Variants in TMTC1 observed in about 807,000 individuals in gnomAD.
TMTC1 encodes transmembrane O-mannosyltransferase targeting cadherins 1.
Under a neutral mutation model 104.8 loss-of-function variants are expected in TMTC1, and 73 were observed. The observed-to-expected ratio is 0.70, with a 90% CI of 0.58 to 0.85. TMTC1 has a LOEUF of 0.85. TMTC1 is among the 40% of genes least tolerant of loss of function. The pLI, the probability that TMTC1 is intolerant of heterozygous loss-of-function variation, is 0.00. For synonymous variants in TMTC1, 434 were observed against 428.7 expected (o/e 1.01, Z -0.15); for missense variants, 1,035 against 1,096.1 (o/e 0.94, Z 0.79).
In TMTC1 at chr12:29,579,351, C is replaced by T. The variant is rs187401706; in HGVS notation, c.1418+4056G>A. ...TAGTTGCAAAAGAGACTGTATGACC[C>T]GCAGAGCTTAAAATATTTGCTATCT... On this transcript the variant is annotated intron_variant, in intron 8 of 17. Coordinates refer to ENST00000539277, the MANE Select transcript of TMTC1 (RefSeq NM_001193451.2). Among the ~76,000 whole-genome samples the T allele has an allele frequency of 7.9e-5, 12 of 152,288 alleles. No individual in the cohort carries two copies. In the East Asian group the frequency reaches 1.9e-3, roughly 24 times the overall value.
chr12:29,633,128 C>T lies in TMTC1; in HGVS notation c.1128+19G>A. The T allele has an allele frequency of 6.3e-7, 1 of 1,599,716 alleles. No homozygotes were observed. Among genetic ancestry groups the T allele is most frequent in the South Asian group, 1.1e-5 (1 of 90,010 alleles). ...TCTGTCTTCAAATGCAGAGTTCATTCTACTTTTGAGAAAATTACCTTAAAG... is the reference window on the plus strand; with the variant it reads ...TCTGTCTTCAAATGCAGAGTTCATTTTACTTTTGAGAAAATTACCTTAAAG... On this transcript the variant is annotated intron_variant, in intron 6 of 17. Coordinates refer to ENST00000539277, the MANE Select transcript of TMTC1 (RefSeq NM_001193451.2).
chr12:29,773,227 C>T (rs1028433528), intron 1 of TMTC1, among the ~76,000 whole-genome samples: 7 of 152,204 alleles, frequency 4.6e-5, no homozygotes, highest in African/African-American at 1.4e-4. Flanking sequence ...TGGTTTGCAG[C>T]ATGCCATATC....
rs538642934 is a variant in TMTC1 at position 29,731,136 on chromosome 12, G to A, written c.938+20530C>T. Among the ~76,000 whole-genome samples, 31 of 152,252 alleles carry A rather than the reference G, an allele frequency of 2.0e-4. No homozygotes were observed. In the South Asian group the frequency reaches 5.4e-3, roughly 26 times the overall value. ...AGAGAATTTAATTCAGCAAATAAAT[G>A]GGCTGATAATAATCTAAAAGTCTAG... On this transcript the variant is annotated intron_variant, in intron 5 of 17. Transcript: ENST00000539277.
intron 5 of TMTC1, among the ~76,000 whole-genome samples, chr12:29,719,570 C>T (rs1034365527): frequency 3.3e-5 from 5 of 152,128 alleles, no homozygotes; most frequent in Non-Finnish European, 5.9e-5. Flanking sequence ...GACCTCACAG[C>T]GAGGGTGTAA....
At chr12:29,716,140 T>C (rs1240647867) in intron 5 of TMTC1, among the ~76,000 whole-genome samples, 1 of 151,952 alleles carries the variant, frequency 6.6e-6, no homozygotes. Context: ...TGCCTTAGCC[T>C]CCCCAGTAGC....
intron 11 of TMTC1, among the ~76,000 whole-genome samples, chr12:29,530,169 C>A (rs552843313): frequency 6.6e-6 from 1 of 152,104 alleles, no homozygotes. Context: ...TCTGACTCAA[C>A]ACACCCCCTC....
Position 29,561,807 on chromosome 12 carries a change from C to A in TMTC1, c.1533-4807G>T, listed in dbSNP as rs186190408. Reference sequence around the variant, plus strand: ...GCAATTTCCTTTCGGAGAATACACACCCTGATTTATTTTCAGGGTGTGTAT... The same window carrying A: ...GCAATTTCCTTTCGGAGAATACACAACCTGATTTATTTTCAGGGTGTGTAT... On this transcript the variant is annotated intron_variant, in intron 9 of 17. Coordinates refer to ENST00000539277, the MANE Select transcript of TMTC1 (RefSeq NM_001193451.2). Among the ~76,000 whole-genome samples, 751 of 152,290 alleles carry A rather than the reference C, an allele frequency of 4.9e-3. 7 individuals carry two copies. The highest frequency in any genetic ancestry group is 8.8e-3 in the Non-Finnish European group (598 of 68,020).
chr12:29,749,726 T>C (rs1231224036), intron 5 of TMTC1, among the ~76,000 whole-genome samples: 1 of 152,144 alleles, frequency 6.6e-6, no homozygotes, highest in Non-Finnish European at 1.5e-5. Context: ...GAAAATCTAT[T>C]ACTCCCCTAA....
At chr12:29,676,363 A>T (rs1940725336) in intron 5 of TMTC1, among the ~76,000 whole-genome samples, 2 of 152,218 alleles carry the variant, frequency 1.3e-5, no homozygotes, top group African/African-American at 4.8e-5. Flanking sequence ...CTCTCCTTAA[A>T]TATGAAGACT....
chr12:29,675,563 C>A (rs1415065680), intron 5 of TMTC1, among the ~76,000 whole-genome samples: 1 of 150,608 alleles, frequency 6.6e-6, no homozygotes, highest in Non-Finnish European at 1.5e-5. Context: ...AAAGTGGTTT[C>A]TCTGTGCCCT....
At chr12:29,683,620 A>C (rs554482683) in intron 5 of TMTC1, among the ~76,000 whole-genome samples, 1 of 152,202 alleles carries the variant, frequency 6.6e-6, no homozygotes, top group Non-Finnish European at 1.5e-5. Flanking sequence ...GCAGTTCTGA[A>C]AAGCGCTGCT....
At chr12:29,744,889 G>C (rs1592001819) in intron 5 of TMTC1, among the ~76,000 whole-genome samples, 1 of 152,104 alleles carries the variant, frequency 6.6e-6, no homozygotes, top group East Asian at 1.9e-4. Context: ...AACACTAACT[G>C]ACAAAGTTTA....
At chr12:29,677,100 C>G (rs1259999834) in intron 5 of TMTC1, among the ~76,000 whole-genome samples, 3 of 152,204 alleles carry the variant, frequency 2.0e-5, no homozygotes, top group African/African-American at 7.2e-5. Flanking sequence ...TTAGGATTTT[C>G]AGTTCCACCT....
intron 5 of TMTC1, among the ~76,000 whole-genome samples, chr12:29,638,055 G>A (rs1938644783): frequency 2.0e-5 from 3 of 152,126 alleles, no homozygotes; most frequent in Admixed American, 2.0e-4. Context: ...TGACATGGGA[G>A]GCGGGCAGGG....
At position 29,770,318 on chromosome 12, in the gene TMTC1, T is replaced by C. The variant is rs528636462; in HGVS notation, c.303-2243A>G. Among the ~76,000 whole-genome samples the C allele has an allele frequency of 2.0e-5, 3 of 152,288 alleles. No homozygotes were observed. The South Asian group carries it at 6.2e-4, about 32-fold the overall frequency. On this transcript the variant is annotated intron_variant, in intron 1 of 17. Coordinates refer to ENST00000539277, the MANE Select transcript of TMTC1 (RefSeq NM_001193451.2). ...ATAAAATGGTAGGCATGAATCACCTTTGTGGTTCATATGTGTCATATCTGA... is the reference window on the plus strand; with the variant it reads ...ATAAAATGGTAGGCATGAATCACCTCTGTGGTTCATATGTGTCATATCTGA...
At chr12:29,762,385 C>CT (rs1182779184) in intron 2 of TMTC1, among the ~76,000 whole-genome samples, 3 of 151,968 alleles carry the variant, frequency 2.0e-5, no homozygotes, top group Non-Finnish European at 4.4e-5. Flanking sequence ...TTTCTTTTTT[C>CT]TTTTTTTCAG....
At chr12:29,604,018 T>C (rs990391906) in intron 7 of TMTC1, among the ~76,000 whole-genome samples, 160 bp downstream of exon 7, 1 of 152,232 alleles carries the variant, frequency 6.6e-6, no homozygotes, top group Non-Finnish European at 1.5e-5. Context: ...ACATTTGCTC[T>C]CATCCAACCT....
At chr12:29,708,756 G>C (rs1181201467) in intron 5 of TMTC1, among the ~76,000 whole-genome samples, 1 of 152,126 alleles carries the variant, frequency 6.6e-6, no homozygotes, top group Non-Finnish European at 1.5e-5. Context: ...AGAATGTACC[G>C]TCTTGAGCCC....
rs11050388 is a variant in TMTC1 at position 29,694,400 on chromosome 12, T to G, written c.938+57266A>C. ...CCCTGATATAAAATGGGGCAGTATT[T>G]GCATGTAATCTACACACATCCTCCC... On this transcript the variant is annotated intron_variant, in intron 5 of 17. Transcript: ENST00000539277. 5.5e-3 allele frequency among the ~76,000 whole-genome samples: 834 copies of G among 152,104 alleles called. 4 individuals carry two copies. The highest frequency in any genetic ancestry group is 0.019 in the African/African-American group (808 of 41,472).
Sources: gnomAD v4.1 joint callset for allele counts (sites outside exome capture counted in the v4.1 genomes callset) on GRCh38, gnomAD v4.1.1 for gene constraint, MANE v1.5 for transcripts, NCBI Gene and HGNC (gene_info 2026-07-23, HGNC 2026-07-21) for gene names.